Variants in SMTN observed in about 807,000 individuals in gnomAD.
SMTN encodes the protein smoothelin.
In SMTN, 58 loss-of-function variants were observed where a neutral mutation model predicts 102.0. The ratio of observed to expected loss-of-function variants is 0.57; its 90% confidence interval spans 0.46 to 0.71. The LOEUF (loss-of-function observed/expected upper bound fraction) is 0.71. SMTN is among the 30% of genes least tolerant of loss of function. The probability of loss-of-function intolerance (pLI) is 0.00; values close to 1 mark genes in which losing one functional copy is unlikely to be tolerated. For missense variants in SMTN, 1,185 were observed against 1,241.7 expected, an observed-to-expected ratio of 0.95 and a Z score of 0.69; for synonymous variants, 478 against 497.9, an observed-to-expected ratio of 0.96 and a Z score of 0.53.
intron 11 of SMTN, 24 bp downstream of exon 11, chr22:31,091,871 G>C: frequency 1.3e-6 from 2 of 1,540,228 alleles, no homozygotes; most frequent in South Asian, 1.2e-5. Flanking sequence ...CACCCCACCA[G>C]CCTCACCATC....
intron 1 of SMTN, among the ~76,000 whole-genome samples, chr22:31,076,084 C>T (rs975426971): frequency 1.5e-4 from 23 of 152,302 alleles, no homozygotes; most frequent in African/African-American, 5.1e-4. Context: ...AGGCTGGGAA[C>T]ACGGCTTGGA....
At chr22:31,083,503 G>A (rs1356295921) in intron 2 of SMTN, 194 bp downstream of exon 2, 3 of 647,496 alleles carry the variant, frequency 4.6e-6, no homozygotes, top group Non-Finnish European at 2.5e-6. Flanking sequence ...TCCATGCCTG[G>A]TACTGAAGCC....
At chr22:31,084,846 C>A in intron 2 of SMTN, 3 of 723,128 alleles carry the variant, frequency 4.1e-6, no homozygotes, top group Non-Finnish European at 4.1e-6. Context: ...GCTCCTCCAG[C>A]ACCCGGCGCC....
chr22:31,099,548 CT>C, intron 18 of SMTN, 196 bp from the exon 19 acceptor site: 1 of 621,054 alleles, frequency 1.6e-6, no homozygotes, highest in South Asian at 2.0e-5. Context: ...CTCAGTAGCT[CT>C]GTCCCTTGAA....
chr22:31,099,732 C>G lies in SMTN; in HGVS notation c.2452-13C>G. 1 of 1,613,352 alleles carries G rather than the reference C, an allele frequency of 6.2e-7. No homozygotes were observed. The highest frequency in any genetic ancestry group is 8.5e-7 in the Non-Finnish European group (1 of 1,179,496). On this transcript the variant is annotated splice_polypyrimidine_tract_variant and intron_variant, in intron 18 of 20. Coordinates refer to ENST00000333137, the MANE Select transcript of SMTN (RefSeq NM_134269.3). ...GCCCCCAGGTTCCTGACCAGTCCTC[C>G]TACGGCTTATAGCACGTCGACATCC...
rs2043116406 is a variant in SMTN at position 31,091,317 on chromosome 22, G to A, written c.1294G>A (p.Gly432Arg). Residue 432 changes from glycine (G) to arginine (R), a missense_variant, in exon 10 of 21, where the codon GGG (glycine) becomes AGG (arginine). Physicochemically the swap from Gly to Arg is moderately radical, Grantham distance 125. Around this residue, in one of 2 missense-constraint regions of SMTN, gnomAD observed 1,096 missense variants for 1,112.7 expected, o/e 0.98. Coordinates refer to ENST00000333137, the MANE Select transcript of SMTN (RefSeq NM_134269.3). ...TAGGCCCCTTGAAAACAGAGCAGGG[G>A]GGCCTGTGGCACGTTCAGAGGAGCC... ...AARPLENRAGGPVARSEEPGA... is the reference protein window; with the variant it reads ...AARPLENRAGRPVARSEEPGA... The A allele has an allele frequency of 6.2e-7, 1 of 1,604,788 alleles. No individual in the cohort carries two copies. The highest frequency in any genetic ancestry group is 8.5e-7 in the Non-Finnish European group (1 of 1,177,264).
chr22:31,064,967 A>T (rs1305851365), intron 1 of SMTN: 1 of 152,076 alleles, frequency 6.6e-6, no homozygotes, highest in African/African-American at 2.4e-5. Context: ...ATGTCTTCTT[A>T]GTCTTCTCTA....
chr22:31,091,527 A>G, intron 10 of SMTN, 45 bp downstream of exon 10: 1 of 1,512,734 alleles, frequency 6.6e-7, no homozygotes, highest in Non-Finnish European at 8.8e-7. Flanking sequence ...AGTGCCTGCA[A>G]CCGCACTTCT....
intron 20 of SMTN, chr22:31,103,229 G>A (rs2044236840): frequency 6.6e-6 from 1 of 152,204 alleles, no homozygotes; most frequent in African/African-American, 2.4e-5. Context: ...CAGGTGTCTT[G>A]AGAATAAGGA....
At chr22:31,097,246 G>C (rs1345641619) in intron 15 of SMTN, 23 bp from the exon 16 acceptor site, 16 of 1,613,332 alleles carry the variant, frequency 9.9e-6, no homozygotes, top group Non-Finnish European at 1.4e-5. Context: ...CCCTCACCTG[G>C]TGCCCCTTCC....
intron 11 of SMTN, among the ~76,000 whole-genome samples, chr22:31,094,545 C>T (rs895169112): frequency 3.3e-5 from 5 of 152,158 alleles, no homozygotes; most frequent in Non-Finnish European, 5.9e-5. Flanking sequence ...AACAAAGCAG[C>T]AAAATGAACT....
intron 6 of SMTN, among the ~76,000 whole-genome samples, chr22:31,089,211 T>A (rs931232626): frequency 1.3e-5 from 2 of 152,180 alleles, no homozygotes; most frequent in Non-Finnish European, 2.9e-5. Context: ...TACCTTGGCT[T>A]ATGGGGCCTG....
intron 6 of SMTN, 170 bp from the exon 7 acceptor site, chr22:31,089,529 G>A (rs1755885696): frequency 1.6e-6 from 1 of 636,828 alleles, no homozygotes; most frequent in Non-Finnish European, 2.8e-6. Flanking sequence ...ATCAGAGACT[G>A]CCCTTAGCAT....
chr22:31,088,089 A>T lies in SMTN; in HGVS notation c.176A>T (p.Gln59Leu), dbSNP rs779031971. Residue 59 changes from glutamine (Q) to leucine (L), a missense_variant, in exon 3 of 21, where the codon CAG (glutamine) becomes CTG (leucine). Around this residue, in one of 2 missense-constraint regions of SMTN, gnomAD observed 1,096 missense variants for 1,112.7 expected, o/e 0.98. Coordinates refer to ENST00000333137, the MANE Select transcript of SMTN (RefSeq NM_134269.3). The stretch of plus-strand genomic sequence containing the variant: ...TCCAAGCGTTTCCGTGCCGAGCGGC[A>T]GGACAACAAGGAGAACTGGCTGCAG... ...LASKRFRAER[Q>L]DNKENWLHSQ... The T allele has an allele frequency of 1.2e-6, 2 of 1,606,044 alleles. No homozygotes were observed. Among genetic ancestry groups the T allele is most frequent in the Non-Finnish European group, 1.7e-6 (2 of 1,174,652 alleles).
chr22:31,085,673 T>G (rs755082459), intron 2 of SMTN, among the ~76,000 whole-genome samples: 2 of 151,966 alleles, frequency 1.3e-5, no homozygotes, highest in African/African-American at 2.4e-5. Context: ...CACAGCTCCC[T>G]CCTTACACAG....
chr22:31,096,871 C>T lies in SMTN; in HGVS notation c.2000C>T (p.Thr667Ile). The T allele has an allele frequency of 5.7e-6, 9 of 1,586,104 alleles. No individual in the cohort carries two copies. Among genetic ancestry groups the T allele is most frequent in the Non-Finnish European group, 7.7e-6 (9 of 1,164,060 alleles). The change falls in exon 14 of 21, where the codon ACC becomes ATC. Residue 667 changes from threonine to isoleucine, a missense_variant. This residue lies in a region of SMTN where 1,096 missense variants were observed against 1,112.7 expected (regional missense o/e 0.98). Transcript: ENST00000333137. The part of the protein sequence containing the change: ...AADGSAVSTV[T>I]KTERLVHSND... ...GATGGCTCTGCTGTCAGCACTGTTA[C>T]CAAGACTGAGCGGCTCGTCCACTCC...
chr22:31,088,538 C>T lies in SMTN; in HGVS notation c.226C>T (p.Arg76Trp), dbSNP rs771580268. ...LHSQQREAEQ[R>W]AALARLAGQL... ...CTCTCAGCAGCGGGAAGCTGAGCAG[C>T]GGGCTGCCCTGGCACGGCTGGCAGG... The change falls in exon 4 of 21, where the codon CGG (arginine) becomes TGG (tryptophan). Residue 76 changes from arginine to tryptophan, a missense_variant. Physicochemically the swap from Arg to Trp is moderately radical, Grantham distance 101 (BLOSUM62 -3). Around this residue, in one of 2 missense-constraint regions of SMTN, gnomAD observed 1,096 missense variants for 1,112.7 expected, o/e 0.98. Transcript: ENST00000333137. 8.1e-6 allele frequency: 13 copies of T among 1,613,616 alleles called. No individual in the cohort carries two copies. Among genetic ancestry groups the T allele is most frequent in the Admixed American group, 3.3e-5 (2 of 60,016 alleles).
chr22:31,088,689 T>C lies in SMTN; in HGVS notation c.295-10T>C, dbSNP rs750594341. On this transcript the variant is annotated splice_polypyrimidine_tract_variant and intron_variant, in intron 4 of 20. Transcript: ENST00000333137. ...CAGCCCAACACCCGCGACCTGTCTC[T>C]TACCCACAGTTGCGAAGCGCTGGTG... is the stretch of plus-strand genomic sequence containing the variant. 1 of 1,613,906 alleles carries C rather than the reference T, an allele frequency of 6.2e-7. No individual in the cohort carries two copies. The highest frequency in any genetic ancestry group is 8.5e-7 in the Non-Finnish European group (1 of 1,179,838).
chr22:31,086,071 A>G (rs2042678430), intron 2 of SMTN, among the ~76,000 whole-genome samples: 1 of 152,146 alleles, frequency 6.6e-6, no homozygotes, highest in Admixed American at 6.5e-5. Context: ...CAGCCTCCAA[A>G]TGTACCACAG....
Sources: allele counts gnomAD v4.1 joint callset (sites outside exome capture counted in the v4.1 genomes callset), GRCh38; gene constraint gnomAD v4.1.1; regional missense constraint gnomAD v4.1.1; transcripts MANE v1.5; gene names NCBI Gene and HGNC (gene_info 2026-07-23, HGNC 2026-07-21).